Variants in ADGRV1 observed in about 807,000 individuals in gnomAD.
ADGRV1 encodes adhesion G protein-coupled receptor V1.
A neutral mutation model predicts 596.2 loss-of-function variants in ADGRV1; 359 were observed. The ratio of observed to expected loss-of-function variants is 0.60; its 90% confidence interval spans 0.55 to 0.66. The LOEUF (loss-of-function observed/expected upper bound fraction) is 0.66. Ranked by LOEUF, ADGRV1 falls within the 30% of genes least tolerant of loss-of-function variation. The pLI is 0.00. For missense variants in ADGRV1, 7,274 were observed against 7,575.6 expected, an observed-to-expected ratio of 0.96 and a Z score of 1.48; for synonymous variants, 2,681 against 2,679.2, an observed-to-expected ratio of 1.00 and a Z score of -0.02.
chr5:91,145,374 A>AT (rs1326798317), intron 87 of ADGRV1, among the ~76,000 whole-genome samples: 2 of 152,232 alleles, frequency 1.3e-5, no homozygotes, highest in Non-Finnish European at 2.9e-5. Context: ...CTTTTACCCT[A>AT]TCACTTCACA....
At chr5:90,604,469 T>A (rs772834246) in intron 1 of ADGRV1, among the ~76,000 whole-genome samples, 254 of 151,524 alleles carry the variant, frequency 1.7e-3, no homozygotes, top group Non-Finnish European at 3.0e-3. Context: ...AAAAAAAAAA[T>A]TTTGTTTGAC....
At chr5:90,617,623 A>C (rs1763535715) in intron 2 of ADGRV1, 181 bp from the exon 3 acceptor site, 1 of 532,296 alleles carries the variant, frequency 1.9e-6, no homozygotes, top group African/African-American at 1.9e-5. Context: ...TCATTTGTTT[A>C]TTTCTGAAGA....
intron 86 of ADGRV1, among the ~76,000 whole-genome samples, chr5:91,078,406 C>T (rs1205154708): frequency 6.6e-6 from 1 of 152,168 alleles, no homozygotes; most frequent in Non-Finnish European, 1.5e-5. Context: ...CCAAAGATGG[C>T]TGCCATCAGT....
At chr5:90,628,522 G>A (rs755750979) in intron 7 of ADGRV1, 40 bp from the exon 8 acceptor site, 1 of 1,552,824 alleles carries the variant, frequency 6.4e-7, no homozygotes, top group Non-Finnish European at 8.9e-7. Context: ...GAAATAAAGT[G>A]TACTATGTGA....
chr5:90,714,459 A>T (rs527735845), intron 42 of ADGRV1, among the ~76,000 whole-genome samples: 25 of 151,908 alleles, frequency 1.6e-4, no homozygotes, highest in Middle Eastern at 3.4e-3. Context: ...TATTATAAAA[A>T]TTTTTTTAAA....
At chr5:90,852,463 GA>G (rs1766626728) in intron 79 of ADGRV1, among the ~76,000 whole-genome samples, 1 of 152,114 alleles carries the variant, frequency 6.6e-6, no homozygotes, top group Non-Finnish European at 1.5e-5. Context: ...TTTAAGATCT[GA>G]TTTATCTGTG....
intron 83 of ADGRV1, among the ~76,000 whole-genome samples, chr5:90,952,980 T>G (rs1030050627): frequency 1.3e-5 from 2 of 152,164 alleles, no homozygotes; most frequent in Non-Finnish European, 2.9e-5. Flanking sequence ...GTTTAGTGAT[T>G]ATTCATTGAA....
At chr5:90,667,127 C>T (rs1580663401) in intron 21 of ADGRV1, among the ~76,000 whole-genome samples, 2 of 150,572 alleles carry the variant, frequency 1.3e-5, no homozygotes, top group East Asian at 4.0e-4. Context: ...TTGTGGCGTT[C>T]TCTGTATTTC....
At chr5:90,951,516 A>C (rs992245829) in intron 83 of ADGRV1, among the ~76,000 whole-genome samples, 3 of 152,128 alleles carry the variant, frequency 2.0e-5, no homozygotes, top group Non-Finnish European at 4.4e-5. Flanking sequence ...TACTCCTAAA[A>C]ACTAGCATTT....
chr5:90,788,863 G>GACACACAC (rs70973708), intron 68 of ADGRV1, among the ~76,000 whole-genome samples: 26 of 147,032 alleles, frequency 1.8e-4, no homozygotes, highest in African/African-American at 5.7e-4. Flanking sequence ...CACAGACACA[G>GACACACAC]ACACACACAC....
At chr5:90,617,781 G>T (rs753122470) in intron 2 of ADGRV1, 23 bp from the exon 3 acceptor site, 4 of 1,568,600 alleles carry the variant, frequency 2.6e-6, no homozygotes, top group South Asian at 2.3e-5. Context: ...AAATAAGAAT[G>T]ATCTATATTT....
intron 73 of ADGRV1, among the ~76,000 whole-genome samples, chr5:90,808,235 C>T (rs1370643111): frequency 6.6e-6 from 1 of 151,992 alleles, no homozygotes. Context: ...AAATACGTAC[C>T]AGCCAAAAGC....
chr5:90,721,524 TAAAAATAAAAA>T (rs370874181), intron 45 of ADGRV1, among the ~76,000 whole-genome samples: 1,651 of 47,298 alleles, frequency 0.035, 129 homozygotes, highest in Admixed American at 0.058. Flanking sequence ...TAAAATAAAA[TAAAAATAAAAA>T]TAAAATAAAA....
intron 21 of ADGRV1, among the ~76,000 whole-genome samples, chr5:90,669,169 A>G (rs775284940): frequency 6.6e-6 from 1 of 152,244 alleles, no homozygotes; most frequent in African/African-American, 2.4e-5. Context: ...CCTTAAAGCC[A>G]TACTCTTTCC....
intron 57 of ADGRV1, among the ~76,000 whole-genome samples, chr5:90,759,075 T>A (rs1054010440): frequency 1.6e-4 from 24 of 152,318 alleles, no homozygotes; most frequent in Non-Finnish European, 2.6e-4. Flanking sequence ...GATTTATTGT[T>A]TTTAATCTGT....
chr5:90,702,802 T>C (rs1293826522), intron 34 of ADGRV1, among the ~76,000 whole-genome samples: 1 of 151,904 alleles, frequency 6.6e-6, no homozygotes, highest in African/African-American at 2.4e-5. Context: ...TGATTAAGGA[T>C]GTCGTCTTCT....
intron 58 of ADGRV1, 30 bp from the exon 59 acceptor site, chr5:90,763,275 G>A (rs776488446): frequency 4.7e-6 from 6 of 1,289,914 alleles, no homozygotes; most frequent in South Asian, 2.4e-5. Context: ...TTTTTTTTTT[G>A]TTTGGCCTTA....
intron 29 of ADGRV1, among the ~76,000 whole-genome samples, chr5:90,687,111 G>A (rs1477180949): frequency 1.3e-5 from 2 of 151,918 alleles, no homozygotes; most frequent in East Asian, 1.9e-4. Context: ...CTGGATATTA[G>A]CCCTTTGTCA....
chr5:91,100,551 A>T (rs566307456), intron 86 of ADGRV1, among the ~76,000 whole-genome samples: 1 of 152,286 alleles, frequency 6.6e-6, no homozygotes, highest in South Asian at 2.1e-4. Context: ...AATAATGGAT[A>T]ATATGCTAAA....
Sources: gnomAD v4.1 joint callset for allele counts (sites outside exome capture counted in the v4.1 genomes callset) on GRCh38, gnomAD v4.1.1 for gene constraint, MANE v1.5 for transcripts, NCBI Gene and HGNC (gene_info 2026-07-23, HGNC 2026-07-21) for gene names.